The following ZNF541 variants were observed in gnomAD, a reference collection of about 807,000 sequenced individuals.
ZNF541 encodes zinc finger protein 541.
Under a neutral mutation model 123.5 loss-of-function variants are expected in ZNF541, and 23 were observed. The ratio of observed to expected loss-of-function variants is 0.19; its 90% CI spans 0.13 to 0.26. The LOEUF (loss-of-function observed/expected upper bound fraction) is 0.26. Ranked by LOEUF, ZNF541 falls within the 10% of genes least tolerant of loss-of-function variation. The pLI is 1.00. For synonymous variants in ZNF541, 751 were observed against 754.5 expected (o/e 1.00, Z 0.08); for missense variants, 1,612 against 1,789.9 (o/e 0.90, Z 1.79).
intron 9 of ZNF541, 51 bp downstream of exon 9, chr19:47,538,091 C>T (rs983885654): frequency 5.8e-6 from 9 of 1,541,646 alleles, no homozygotes; most frequent in Admixed American, 4.0e-5. Context: ...GGCTGTGGTC[C>T]GCAGGCAATC....
At chr19:47,566,772 C>T (rs532944567) in intron 2 of ZNF541, among the ~76,000 whole-genome samples, 90 of 151,168 alleles carry the variant, frequency 6.0e-4, no homozygotes, top group South Asian at 2.1e-3. Flanking sequence ...TAAAATAAGG[C>T]CAGGTGCGGT....
At position 47,545,145 on chromosome 19, in the gene ZNF541, G is replaced by A; in HGVS notation, c.1384C>T (p.Pro462Ser). 3 of 1,487,896 alleles carry A rather than the reference G, an allele frequency of 2.0e-6. No homozygotes were observed. Among genetic ancestry groups the A allele is most frequent in the Non-Finnish European group, 1.8e-6 (2 of 1,119,284 alleles). The allele number at this position is 1,487,896 out of a possible 1,614,324, so 92.2% of individuals were successfully genotyped here. A position where few individuals can be genotyped will look rare whatever the true frequency, so the allele number is the denominator to read the frequency against. The stretch of plus-strand genomic sequence containing the variant: ...TCCTCCAGGCCACCGCCGGGGCCGG[G>A]CGGGGACTCCTCCGAGGGGCTTCCG... ...SSGSPSEESP[P>S]GPGGGLEDAL... is the part of the protein sequence containing the mutation. Residue 462 changes from proline (P) to serine (S), a missense_variant, in exon 5 of 17, where the codon CCC (proline) becomes TCC (serine). Pro to Ser is a moderately conservative substitution (Grantham distance 74). Transcript: ENST00000391901. This position sits in a 1 kb window ranked among gnomAD's most constrained non-coding sequence, Gnocchi z 7.5.
intron 5 of ZNF541, among the ~76,000 whole-genome samples, chr19:47,542,853 A>G (rs1364079536): frequency 2.0e-5 from 3 of 152,176 alleles, no homozygotes; most frequent in Non-Finnish European, 4.4e-5. Context: ...GCTGAGGCAG[A>G]GAACTGCTTG....
chr19:47,521,576 T>G lies in ZNF541; in HGVS notation c.3790A>C (p.Ile1264Leu), dbSNP rs1227422610. 1 of 1,551,716 alleles carries G rather than the reference T, an allele frequency of 6.4e-7. No individual in the cohort carries two copies. The highest frequency in any genetic ancestry group is 1.4e-5 in the African/African-American group (1 of 73,164). The change falls in exon 16 of 17, where the codon ATC becomes CTC. Residue 1264 changes from isoleucine to leucine, a missense_variant. Transcript: ENST00000391901. The surrounding 1 kb of genome is among the most constrained non-coding windows in gnomAD (Gnocchi z 4.2). ...LKTKSYRRES[I>L]LSSSPNAGSK... ...CCTGCATTTGGGCTGGAGCTGAGGA[T>G]GGACTCCCTCCTATAACTCTTGGTC...
chr19:47,545,383 C>A lies in ZNF541; in HGVS notation c.1146G>T (p.Glu382Asp), dbSNP rs1474500594. The change falls in exon 5 of 17, where the codon GAG becomes GAT. Residue 382 changes from glutamate to aspartate, a missense_variant. Glu to Asp is a conservative substitution (Grantham distance 45, BLOSUM62 2). This residue lies in a region of ZNF541 where 1,080 missense variants were observed against 1,013.8 expected (regional missense o/e 1.07). Transcript: ENST00000391901. This position sits in a 1 kb window ranked among gnomAD's most constrained non-coding sequence, Gnocchi z 7.5. ...GCACGGAGCCGCCTTCGGGCCAGCA[C>A]TCCGCGGTGGACCGGGCCTGGAGCA... ...TALLQARSTA[E>D]CWPEGGSVPA... is the part of the protein sequence containing the mutation. 6.6e-7 allele frequency: 1 copy of A among 1,526,062 alleles called. No homozygotes were observed. 94.5% of individuals were successfully genotyped at this position (1,526,062 alleles called of 1,614,324 possible). A position where few individuals can be genotyped will look rare whatever the true frequency, so the allele number is the denominator to read the frequency against.
At chr19:47,563,752 C>T (rs942175289) in intron 2 of ZNF541, among the ~76,000 whole-genome samples, 2 of 152,088 alleles carry the variant, frequency 1.3e-5, no homozygotes, top group African/African-American at 4.8e-5. Flanking sequence ...ATTACAGGCA[C>T]TCACCACCAC....
rs1344943069 is a variant in ZNF541, at chr19:47,545,699, C to T, written c.830G>A (p.Arg277His). ...SLLPHRDLLR[R>H]IVSSIVHQKT... ...CTGGTGGACGATGCTACTCACGATG[C>T]GGCGCAGGAGGTCCCGGTGGGGCAG... Residue 277 changes from arginine to histidine, a missense_variant, in exon 5 of 17, where the codon CGC (arginine) becomes CAC (histidine). By Grantham distance (29) the Arg-to-His change is conservative (BLOSUM62 0). Coordinates refer to ENST00000391901, the MANE Select transcript of ZNF541 (RefSeq NM_001277075.3). This position sits in a 1 kb window ranked among gnomAD's most constrained non-coding sequence, Gnocchi z 7.5. 7.1e-6 allele frequency: 11 copies of T among 1,547,704 alleles called. No individual in the cohort carries two copies. Among genetic ancestry groups the T allele is most frequent in the Non-Finnish European group, 9.6e-6 (11 of 1,146,762 alleles).
chr19:47,551,054 AT>A (rs545565238), intron 3 of ZNF541, among the ~76,000 whole-genome samples: 107 of 141,036 alleles, frequency 7.6e-4, no homozygotes, highest in African/African-American at 9.8e-4. Context: ...TTTTTTTTTA[AT>A]TTTTTTTTTT....
At chr19:47,546,220 A>C (rs975311288) in intron 4 of ZNF541, among the ~76,000 whole-genome samples, 6 of 151,790 alleles carry the variant, frequency 4.0e-5, no homozygotes, top group East Asian at 1.9e-4. Context: ...AAAAAAAAAA[A>C]AAACCAGCGG....
rs1022752782 is a variant in ZNF541, at chr19:47,568,040, G to C, written c.-99+3856C>G. On this transcript the variant is annotated intron_variant, in intron 2 of 16. Coordinates refer to ENST00000391901, the MANE Select transcript of ZNF541 (RefSeq NM_001277075.3). ...CTCAGCTCTAGGATGGCTGGGACTC[G>C]GCCTTAGGTGTCTAAACTTCTCACA... Among the ~76,000 whole-genome samples, 4 of 152,208 alleles carry C rather than the reference G, an allele frequency of 2.6e-5. No individual in the cohort carries two copies. In the South Asian group the frequency reaches 6.2e-4, roughly 24 times the overall value.
chr19:47,536,206 C>T (rs1174686837), intron 9 of ZNF541, among the ~76,000 whole-genome samples: 4 of 152,202 alleles, frequency 2.6e-5, no homozygotes, highest in Non-Finnish European at 4.4e-5. Context: ...AAATCCACAA[C>T]CTTCCAGCGT....
intron 14 of ZNF541, among the ~76,000 whole-genome samples, chr19:47,525,011 G>A (rs2098694263): frequency 1.3e-5 from 2 of 152,090 alleles, no homozygotes; most frequent in African/African-American, 4.8e-5. Flanking sequence ...TTGGCTGGGT[G>A]CGGTGGCTCA....
At position 47,521,535 on chromosome 19, in the gene ZNF541, G is replaced by C. The variant is rs1437976554; in HGVS notation, c.3831C>G (p.Pro1277=). ...SSPNAGSKRT[P]ELLGSAESQG... ...GGCTCTCTGCACTTCCCAACAGCTC[G>C]GGGGTCCGCTTGGAGCCTGCATTTG... Residue 1277 remains proline, a synonymous_variant, in exon 16 of 17, where the codon CCC becomes CCG. Transcript: ENST00000391901. This position sits in a 1 kb window ranked among gnomAD's most constrained non-coding sequence, Gnocchi z 4.2. The C allele has an allele frequency of 5.2e-6, 8 of 1,551,660 alleles. No homozygotes were observed. The highest frequency in any genetic ancestry group is 5.2e-6 in the Non-Finnish European group (6 of 1,146,982).
chr19:47,547,132 T>A (rs1477499730), intron 4 of ZNF541, among the ~76,000 whole-genome samples: 2 of 152,158 alleles, frequency 1.3e-5, no homozygotes, highest in Non-Finnish European at 2.9e-5. Flanking sequence ...AAAGCCCCTA[T>A]TAGCATTCCT....
At chr19:47,538,961 G>A (rs1196894942) in intron 8 of ZNF541, among the ~76,000 whole-genome samples, 2 of 152,004 alleles carry the variant, frequency 1.3e-5, no homozygotes, top group South Asian at 2.1e-4. Flanking sequence ...TCTCCTCTCC[G>A]CTCTGCCAGC....
intron 9 of ZNF541, among the ~76,000 whole-genome samples, chr19:47,533,811 GCAACAGAGTGAGATTCCATCT>G (rs1969694016): frequency 6.6e-6 from 1 of 152,126 alleles, no homozygotes; most frequent in Admixed American, 6.6e-5. Context: ...TCCAGCCTGG[GCAACAGAGTGAGATTCCATCT>G]CAAAAAAATA....
At chr19:47,536,689 T>C (rs1271133294) in intron 9 of ZNF541, among the ~76,000 whole-genome samples, 1 of 152,062 alleles carries the variant, frequency 6.6e-6, no homozygotes, top group East Asian at 1.9e-4. Flanking sequence ...GCCCAGGAGG[T>C]TGAAGCTGCA....
chr19:47,532,222 C>T lies in ZNF541; in HGVS notation c.3207G>A (p.Gln1069=), dbSNP rs1355389545. Reference sequence around the variant, plus strand: ...CGTCAGTTCCAGCCAGGGATCTCTCCTGGAGTTCCGGGATCTCTGCCTGAA... The same window carrying T: ...CGTCAGTTCCAGCCAGGGATCTCTCTTGGAGTTCCGGGATCTCTGCCTGAA... ...SRFQAEIPEL[Q]ERSLAGTDEH... is the part of the protein sequence containing the mutation. The change falls in exon 11 of 17, where the codon CAG becomes CAA. Residue 1069 remains glutamine, a synonymous_variant. Coordinates refer to ENST00000391901, the MANE Select transcript of ZNF541 (RefSeq NM_001277075.3). The T allele has an allele frequency of 1.1e-5, 17 of 1,551,768 alleles. No homozygotes were observed. Among genetic ancestry groups the T allele is most frequent in the Non-Finnish European group, 1.5e-5 (17 of 1,147,046 alleles).
At chr19:47,564,127 C>T (rs556134458) in intron 2 of ZNF541, among the ~76,000 whole-genome samples, 1 of 152,224 alleles carries the variant, frequency 6.6e-6, no homozygotes, top group South Asian at 2.1e-4. Flanking sequence ...GTACTGATTC[C>T]CTATAAACTG....
Sources: allele counts gnomAD v4.1 joint callset (sites outside exome capture counted in the v4.1 genomes callset), GRCh38; gene constraint gnomAD v4.1.1; regional missense constraint gnomAD v4.1.1; non-coding constraint Gnocchi (gnomAD v3.1); transcripts MANE v1.5; gene names NCBI Gene and HGNC (gene_info 2026-07-23, HGNC 2026-07-21).